Variants in PTPRF observed in about 807,000 individuals in gnomAD.
PTPRF encodes the protein protein tyrosine phosphatase receptor type F.
A neutral mutation model predicts 201.8 loss-of-function variants in PTPRF; 59 were observed. The observed-to-expected ratio is 0.29, with a 90% CI of 0.24 to 0.36. The LOEUF (loss-of-function observed/expected upper bound fraction) is 0.36. PTPRF is among the 10% of genes least tolerant of loss of function. The pLI is 1.00. For missense variants in PTPRF, 2,132 were observed against 2,690.5 expected (o/e 0.79, Z 4.59); for synonymous variants, 1,088 against 1,089.7 (o/e 1.00, Z 0.03).
At chr1:43,579,906 C>CA (rs1212453251) in intron 7 of PTPRF, 1 of 152,130 alleles carries the variant, frequency 6.6e-6, no homozygotes, top group Non-Finnish European at 1.5e-5. Context: ...AACCCCGTCT[C>CA]TACTAAAACT....
Position 43,619,668 on chromosome 1 carries a change from G to T in PTPRF, c.4933-12G>T. ...AGGAAGCCTGGCCTGACCAATCCCT[G>T]CCTCTCAATAGTTGCTGGCCAGCTC... On this transcript the variant is annotated splice_polypyrimidine_tract_variant and intron_variant, in intron 28 of 33. Transcript: ENST00000359947. 6.2e-7 allele frequency: 1 copy of T among 1,613,676 alleles called. No homozygotes were observed. Among genetic ancestry groups the T allele is most frequent in the Non-Finnish European group, 8.5e-7 (1 of 1,179,722 alleles).
chr1:43,603,949 G>C lies in PTPRF; in HGVS notation c.2797G>C (p.Glu933Gln). The change falls in exon 16 of 34, where the codon GAA becomes CAA. Residue 933 changes from glutamate (E) to glutamine (Q), a missense_variant. By Grantham distance (29) the Glu-to-Gln change is conservative. Around this residue, in one of 6 missense-constraint regions of PTPRF, gnomAD observed 818 missense variants for 915.3 expected, o/e 0.89. Transcript: ENST00000359947. This position sits in a 1 kb window ranked among gnomAD's most constrained non-coding sequence, Gnocchi z 5.8. ...GACAGGACTGACCACGTCTACCACA[G>C]AACTGGCCTGGGACCCGCCAGTGCT... ...HVTGLTTSTT[E>Q]LAWDPPVLAE... is the part of the protein sequence containing the mutation. 1 of 1,614,118 alleles carries C rather than the reference G, an allele frequency of 6.2e-7. No homozygotes were observed.
intron 6 of PTPRF, among the ~76,000 whole-genome samples, chr1:43,570,340 C>T (rs964653491): frequency 2.0e-5 from 3 of 152,222 alleles, no homozygotes; most frequent in Non-Finnish European, 4.4e-5. Context: ...AGGGAGGTGT[C>T]ACCCCATTGA....
intron 33 of PTPRF, 40 bp downstream of exon 33, chr1:43,621,272 A>G (rs1174074080): frequency 6.2e-7 from 1 of 1,606,018 alleles, no homozygotes; most frequent in Non-Finnish European, 8.5e-7. Flanking sequence ...CCTTGGCAGC[A>G]GCGCTGCTGG....
chr1:43,545,754 G>A (rs150269646), intron 3 of PTPRF, among the ~76,000 whole-genome samples: 1,532 of 152,274 alleles, frequency 0.01, 31 homozygotes, highest in African/African-American at 0.036. Context: ...CCTGGAAATG[G>A]GGGGAAGATT....
At chr1:43,560,196 T>C (rs747699102) in intron 5 of PTPRF, among the ~76,000 whole-genome samples, 18 of 147,914 alleles carry the variant, frequency 1.2e-4, no homozygotes, top group Non-Finnish European at 2.2e-4. Flanking sequence ...CAGCAGGTGG[T>C]GTGCAGCAGA....
intron 6 of PTPRF, among the ~76,000 whole-genome samples, chr1:43,577,154 C>G (rs1039292752): frequency 6.6e-6 from 1 of 152,208 alleles, no homozygotes; most frequent in African/African-American, 2.4e-5. Flanking sequence ...TGCCCCAAGC[C>G]TGTGGCACCA....
At chr1:43,543,019 A>T (rs952553044) in intron 2 of PTPRF, among the ~76,000 whole-genome samples, 2 of 152,220 alleles carry the variant, frequency 1.3e-5, no homozygotes, top group African/African-American at 4.8e-5. Context: ...ATATTGTTAT[A>T]CCCGATGATG....
chr1:43,525,804 C>CAAAAAAAA (rs1179056466), upstream of PTPRF, among the ~76,000 whole-genome samples: 79 of 35,566 alleles, frequency 2.2e-3, 6 homozygotes, highest in Non-Finnish European at 2.4e-3. Context: ...GACTCAGTCT[C>CAAAAAAAA]AAAAAAAAAA....
chr1:43,613,588 T>C (rs1657011277), intron 22 of PTPRF, 30 bp from the exon 23 acceptor site: 4 of 1,562,282 alleles, frequency 2.6e-6, no homozygotes, highest in African/African-American at 1.4e-5. Context: ...CTCACACTAA[T>C]GCTGCCTGTG....
intron 12 of PTPRF, 92 bp downstream of exon 12, chr1:43,598,145 C>CCAGGTCAA: frequency 7.8e-7 from 1 of 1,275,646 alleles, no homozygotes; most frequent in Non-Finnish European, 1.0e-6. Context: ...GAACACAGGC[C>CCAGGTCAA]CAGGTCAACT....
In PTPRF at chr1:43,606,742, C is replaced by T. The variant is rs1655215063; in HGVS notation, c.3703-72C>T. 2.6e-6 allele frequency: 4 copies of T among 1,567,764 alleles called. No homozygotes were observed. The South Asian group carries it at 4.7e-5, about 18-fold the overall frequency. ...TAACCCAGACCCAGAGCCCTTTCTC[C>T]AGGATTAATAGGCAGAGGGTGGGGG... On this transcript the variant is annotated intron_variant, in intron 20 of 33. Coordinates refer to ENST00000359947, the MANE Select transcript of PTPRF (RefSeq NM_002840.5).
chr1:43,578,948 T>C (rs556758751), intron 7 of PTPRF, 28 bp downstream of exon 7: 1 of 1,604,154 alleles, frequency 6.2e-7, no homozygotes, highest in South Asian at 1.1e-5. Context: ...GCCTGGCCCC[T>C]GTCACCACAG....
At chr1:43,598,157 A>C in intron 12 of PTPRF, 104 bp downstream of exon 12, 13 of 1,214,236 alleles carry the variant, frequency 1.1e-5, no homozygotes, top group African/African-American at 1.5e-5. Flanking sequence ...AGGTCAACTC[A>C]TCTTTCTGGT....
chr1:43,591,235 CG>C lies in PTPRF; in HGVS notation c.1216del (p.Ala406HisfsTer20). On this transcript the variant is annotated frameshift_variant, in exon 9 of 34. Coordinates refer to ENST00000359947, the MANE Select transcript of PTPRF (RefSeq NM_002840.5). LOFTEE classifies it high-confidence loss of function. ...GCGAGGGCCGCCCAGCGAGGCAGTG[CG>C]GGCACGCACGGGAGAACAGGCGCCC... ...IGRGPPSEAV[R>X]ARTGEQAPSS... 1 of 1,593,298 alleles carries C rather than the reference CG, an allele frequency of 6.3e-7. No homozygotes were observed.
intron 23 of PTPRF, among the ~76,000 whole-genome samples, chr1:43,614,938 C>G (rs1657386130): frequency 6.6e-6 from 1 of 152,150 alleles, no homozygotes. Context: ...TCCACCTCCT[C>G]CAAGCAGCAG....
rs374622520 is a variant in PTPRF, at chr1:43,569,699, C to T, written c.489C>T (p.Asp163=). 1.9e-6 allele frequency: 3 copies of T among 1,613,966 alleles called. No homozygotes were observed. In the African/African-American group the frequency reaches 4.0e-5, roughly 22 times the overall value. The part of the protein sequence containing the change: ...TMLCAAGGNP[D]PEISWFKDFL... The stretch of plus-strand genomic sequence containing the variant: ...TATGTGCCGCAGGCGGAAATCCAGA[C>T]CCTGAGATTTCTTGGTTCAAGGACT... The change falls in exon 6 of 34, where the codon GAC becomes GAT. Residue 163 remains aspartate, a synonymous_variant. Transcript: ENST00000359947.
chr1:43,533,329 CAG>C (rs1250418073), intron 1 of PTPRF, among the ~76,000 whole-genome samples: 1 of 152,112 alleles, frequency 6.6e-6, no homozygotes, highest in African/African-American at 2.4e-5. Flanking sequence ...TTTGGCGGGG[CAG>C]AGTTAGACTG....
At position 43,554,574 on chromosome 1, in the gene PTPRF, C is replaced by CG. The variant is rs1645228654; in HGVS notation, c.379+633_379+634insG. On this transcript the variant is annotated intron_variant, in intron 5 of 33. Transcript: ENST00000359947. This position sits in a 1 kb window ranked among gnomAD's most constrained non-coding sequence, Gnocchi z 4.1. ...GAGAGGATGGAGCTTTCAGAGAGCT[C>CG]TGAGTAGTTCAATTTGGGTTTTCTG... Among the ~76,000 whole-genome samples the CG allele has an allele frequency of 6.6e-6, 1 of 152,206 alleles. No homozygotes were observed. Among genetic ancestry groups the CG allele is most frequent in the South Asian group, 2.1e-4 (1 of 4,822 alleles).
Sources: gnomAD v4.1 joint callset for allele counts (sites outside exome capture counted in the v4.1 genomes callset) on GRCh38, gnomAD v4.1.1 for gene constraint, gnomAD v4.1.1 regional missense constraint, Gnocchi (gnomAD v3.1) non-coding constraint, MANE v1.5 for transcripts, NCBI Gene and HGNC (gene_info 2026-07-23, HGNC 2026-07-21) for gene names.